Variants in PACS1 observed in about 807,000 individuals in gnomAD.
PACS1 encodes PACS-1.
PACS1 carries 24 observed loss-of-function variants against 115.0 expected under a neutral mutation model. That is an observed-to-expected ratio of 0.21 (90% CI 0.15 to 0.29). The LOEUF (loss-of-function observed/expected upper bound fraction) is 0.29, where lower values mean the gene tolerates loss of function less well. Among genes scored for constraint, PACS1 ranks in the 10% least tolerant of loss-of-function variants. The probability of loss-of-function intolerance (pLI) is 1.00; values close to 1 mark genes in which losing one functional copy is unlikely to be tolerated. For synonymous variants in PACS1, 453 were observed against 504.5 expected (o/e 0.90, Z 1.37); for missense variants, 838 against 1,251.2 (o/e 0.67, Z 4.98).
chr11:66,073,943 T>TA (rs1279671457), intron 1 of PACS1, among the ~76,000 whole-genome samples: 3 of 108,818 alleles, frequency 2.8e-5, no homozygotes, highest in Admixed American at 9.2e-5. Flanking sequence ...TTTTTTTTTT[T>TA]AAAAACAGGG....
At chr11:66,237,044 G>T (rs943721450) in intron 19 of PACS1, among the ~76,000 whole-genome samples, 1 of 151,970 alleles carries the variant, frequency 6.6e-6, no homozygotes, top group Non-Finnish European at 1.5e-5. Flanking sequence ...TCAGCCTCCC[G>T]AGTAGCTGGG....
intron 4 of PACS1, among the ~76,000 whole-genome samples, chr11:66,213,358 C>T (rs913150984): frequency 1.3e-5 from 2 of 152,202 alleles, no homozygotes; most frequent in South Asian, 4.1e-4. Flanking sequence ...TCTCATCATT[C>T]GTTACATCCT....
At chr11:66,148,645 G>A (rs1156609894) in intron 1 of PACS1, among the ~76,000 whole-genome samples, 1 of 152,162 alleles carries the variant, frequency 6.6e-6, no homozygotes, top group Non-Finnish European at 1.5e-5. Flanking sequence ...ATGAAGTCAG[G>A]CCGGGTGCGG....
chr11:66,105,364 A>T (rs1858013095), intron 1 of PACS1, among the ~76,000 whole-genome samples: 1 of 152,210 alleles, frequency 6.6e-6, no homozygotes, highest in Non-Finnish European at 1.5e-5. Context: ...CAGAGGTTGC[A>T]GTGAGCTGAG....
Position 66,216,158 on chromosome 11 carries a change from C to T in PACS1, c.700C>T (p.Leu234=). ...TAATGAAGGCGCACTGGTGCTTGGC[C>T]TACACAGCAACGTGAAGGATGTCTC... ...HPNEGALVLG[L]HSNVKDVSVP... The change falls in exon 5 of 24, where the codon CTA becomes TTA. Residue 234 remains leucine (L), a synonymous_variant. Coordinates refer to ENST00000320580, the MANE Select transcript of PACS1 (RefSeq NM_018026.4). 1 of 1,614,032 alleles carries T rather than the reference C, an allele frequency of 6.2e-7. No individual in the cohort carries two copies. Among genetic ancestry groups the T allele is most frequent in the Non-Finnish European group, 8.5e-7 (1 of 1,180,014 alleles).
At chr11:66,122,460 T>G (rs1858466896) in intron 1 of PACS1, among the ~76,000 whole-genome samples, 1 of 152,188 alleles carries the variant, frequency 6.6e-6, no homozygotes, top group Non-Finnish European at 1.5e-5. Context: ...TAAGAAACAT[T>G]TTGTAAGGTT....
rs569232276 is a variant in PACS1, at chr11:66,145,646, G to A, written c.357-47840G>A. Among the ~76,000 whole-genome samples, 9 of 152,360 alleles carry A rather than the reference G, an allele frequency of 5.9e-5. No homozygotes were observed. The South Asian group carries it at 1.9e-3, about 32-fold the overall frequency. On this transcript the variant is annotated intron_variant, in intron 1 of 23. Coordinates refer to ENST00000320580, the MANE Select transcript of PACS1 (RefSeq NM_018026.4). Reference sequence around the variant, plus strand: ...CCATGGTACCCATTTGTCCCTGGTTGGCTGGGAATCTGCATGAACGTATGA... The same window carrying A: ...CCATGGTACCCATTTGTCCCTGGTTAGCTGGGAATCTGCATGAACGTATGA...
At chr11:66,207,547 G>A (rs912436430) in intron 2 of PACS1, among the ~76,000 whole-genome samples, 1 of 152,224 alleles carries the variant, frequency 6.6e-6, no homozygotes, top group African/African-American at 2.4e-5. Context: ...TGTGGGTCTT[G>A]TGGGAGAGAG....
Position 66,070,407 on chromosome 11 carries a change from CCCG to C in PACS1, c.-66_-64del, listed in dbSNP as rs987302485. The C allele has an allele frequency of 2.2e-3, 1,979 of 889,324 alleles. No homozygotes were observed. Among genetic ancestry groups the C allele is most frequent in the Middle Eastern group, 4.7e-3 (11 of 2,356 alleles). The allele number at this position is 889,324 out of a possible 1,614,324, so 55.1% of individuals were successfully genotyped here. On this transcript the variant is annotated 5_prime_UTR_variant, in exon 1 of 24. Transcript: ENST00000320580. The surrounding 1 kb of genome is among the most constrained non-coding windows in gnomAD (Gnocchi z 5.9). Reference sequence around the variant, plus strand: ...GGCGGGCTGAGGAGGCTGCCGCGCCCCCGCCGCCGCCGCCGCGGGGGAAGCCTG... The same window carrying C: ...GGCGGGCTGAGGAGGCTGCCGCGCCCCCGCCGCCGCCGCGGGGGAAGCCTG...
intron 13 of PACS1, 41 bp downstream of exon 13, chr11:66,230,981 T>G: frequency 6.2e-7 from 1 of 1,611,386 alleles, no homozygotes; most frequent in East Asian, 2.2e-5. Context: ...CCCTCTGAGA[T>G]TCCCTGAACT....
At chr11:66,089,266 A>G (rs1203704739) in intron 1 of PACS1, among the ~76,000 whole-genome samples, 1 of 152,160 alleles carries the variant, frequency 6.6e-6, no homozygotes, top group East Asian at 1.9e-4. Flanking sequence ...TACCACCACC[A>G]TCATTCTTTT....
At chr11:66,108,265 C>A (rs1192986433) in intron 1 of PACS1, among the ~76,000 whole-genome samples, 2 of 152,272 alleles carry the variant, frequency 1.3e-5, no homozygotes, top group East Asian at 3.9e-4. Context: ...TTCATGTGGC[C>A]TTTCCTCTGT....
chr11:66,229,536 G>A (rs769042064), intron 11 of PACS1, among the ~76,000 whole-genome samples: 60 of 151,956 alleles, frequency 3.9e-4, no homozygotes, highest in Non-Finnish European at 6.9e-4. Flanking sequence ...AAAATAAGCC[G>A]GGCGTGGTGG....
intron 1 of PACS1, among the ~76,000 whole-genome samples, chr11:66,087,419 T>C (rs1346769288): frequency 3.3e-5 from 5 of 152,250 alleles, no homozygotes; most frequent in Admixed American, 1.3e-4. Flanking sequence ...TTTTTTGTAC[T>C]TTTAGTAGAG....
intron 1 of PACS1, among the ~76,000 whole-genome samples, chr11:66,164,952 T>C (rs1206713046): frequency 6.6e-6 from 1 of 152,132 alleles, no homozygotes; most frequent in Non-Finnish European, 1.5e-5. Context: ...ATTGAGTTGG[T>C]GGCCTTACTG....
chr11:66,139,981 T>C (rs1161158351), intron 1 of PACS1, among the ~76,000 whole-genome samples: 1 of 152,202 alleles, frequency 6.6e-6, no homozygotes, highest in East Asian at 1.9e-4. Flanking sequence ...ACTCAAGTGG[T>C]GCCAAACTAC....
chr11:66,150,812 C>G (rs1329074618), intron 1 of PACS1, among the ~76,000 whole-genome samples: 3 of 152,106 alleles, frequency 2.0e-5, no homozygotes, highest in Non-Finnish European at 4.4e-5. Context: ...TAAAAGCATC[C>G]AAAAGCTGTC....
Position 66,241,644 on chromosome 11 carries a change from A to G in PACS1, c.2647A>G (p.Asn883Asp), listed in dbSNP as rs1281099392. 6.2e-7 allele frequency: 1 copy of G among 1,613,106 alleles called. No homozygotes were observed. Among genetic ancestry groups the G allele is most frequent in the Non-Finnish European group, 8.5e-7 (1 of 1,179,124 alleles). The change falls in exon 22 of 24, where the codon AAC (asparagine) becomes GAC (aspartate). Residue 883 changes from asparagine (N) to aspartate (D), a missense_variant. Physicochemically the swap from Asn to Asp is conservative, Grantham distance 23. Coordinates refer to ENST00000320580, the MANE Select transcript of PACS1 (RefSeq NM_018026.4). The part of the protein sequence containing the change: ...MAMTVVTKEK[N>D]KKVPTIFLSK... Reference sequence around the variant, plus strand: ...CATGACTGTGGTCACCAAAGAAAAGAACAAGAAAGGTAAGTACCCCCAAGG... The same window carrying G: ...CATGACTGTGGTCACCAAAGAAAAGGACAAGAAAGGTAAGTACCCCCAAGG...
intron 1 of PACS1, among the ~76,000 whole-genome samples, chr11:66,122,175 C>T (rs766413177): frequency 3.3e-5 from 5 of 152,198 alleles, no homozygotes; most frequent in Non-Finnish European, 7.3e-5. Flanking sequence ...GCTCAATCTA[C>T]TCTGCCTGTG....
Sources: allele counts gnomAD v4.1 joint callset (sites outside exome capture counted in the v4.1 genomes callset), GRCh38; gene constraint gnomAD v4.1.1; non-coding constraint Gnocchi (gnomAD v3.1); transcripts MANE v1.5; gene names NCBI Gene and HGNC (gene_info 2026-07-23, HGNC 2026-07-21).